The following LMX1A variants were observed in gnomAD, a reference collection of about 807,000 sequenced individuals.
LMX1A encodes LIM homeobox transcription factor 1 alpha.
A neutral mutation model predicts 49.1 loss-of-function variants in LMX1A; 15 were observed. That is an observed-to-expected ratio of 0.31 (90% CI 0.20 to 0.47). The LOEUF is 0.47. Among genes scored for constraint, LMX1A ranks in the 20% least tolerant of loss-of-function variants. The pLI, the probability that LMX1A is intolerant of heterozygous loss-of-function variation, is 1.00. For synonymous variants in LMX1A, 167 were observed against 185.7 expected, an observed-to-expected ratio of 0.90 and a Z score of 0.82; for missense variants, 372 against 475.8, an observed-to-expected ratio of 0.78 and a Z score of 2.03.
intron 3 of LMX1A, among the ~76,000 whole-genome samples, chr1:165,293,542 A>C (rs1654536950): frequency 6.6e-6 from 1 of 152,220 alleles, no homozygotes; most frequent in African/African-American, 2.4e-5. Flanking sequence ...GAGACCTGAG[A>C]ACATTACACC....
chr1:165,332,434 G>C (rs1156248939), intron 3 of LMX1A, among the ~76,000 whole-genome samples: 1 of 151,968 alleles, frequency 6.6e-6, no homozygotes, highest in Non-Finnish European at 1.5e-5. Context: ...TAGGAATAAG[G>C]CAATCTTTCC....
intron 3 of LMX1A, among the ~76,000 whole-genome samples, chr1:165,320,672 T>C (rs1655358969): frequency 6.6e-6 from 1 of 152,188 alleles, no homozygotes; most frequent in Admixed American, 6.5e-5. Context: ...TGTGAAGTAT[T>C]AATATTTGCC....
chr1:165,279,871 T>A lies in LMX1A; in HGVS notation c.264-30231A>T, dbSNP rs909922630. ...GAGTCGTTTACATGACCCTTTTCCA[T>A]CTCGTGGTCCCCCTCTCCCTGGGGC... On this transcript the variant is annotated intron_variant, in intron 3 of 8. Coordinates refer to ENST00000342310, the MANE Select transcript of LMX1A (RefSeq NM_177398.4). Among the ~76,000 whole-genome samples the A allele has an allele frequency of 4.1e-5, 6 of 147,972 alleles. No individual in the cohort carries two copies. The East Asian group carries it at 8.8e-4, about 22-fold the overall frequency.
At chr1:165,316,620 C>A (rs1424672829) in intron 3 of LMX1A, among the ~76,000 whole-genome samples, 1 of 152,148 alleles carries the variant, frequency 6.6e-6, no homozygotes, top group Admixed American at 6.5e-5. Flanking sequence ...AGTGCTTTGT[C>A]GGGGAGGTGG....
At chr1:165,340,229 AGTACATGG>A in intron 3 of LMX1A, among the ~76,000 whole-genome samples, 1 of 152,056 alleles carries the variant, frequency 6.6e-6, no homozygotes, top group East Asian at 1.9e-4. Context: ...CAGCCTCCCG[AGTACATGG>A]GACCACAGAC....
intron 3 of LMX1A, among the ~76,000 whole-genome samples, chr1:165,261,223 A>G (rs1653429674): frequency 6.6e-6 from 1 of 152,128 alleles, no homozygotes; most frequent in African/African-American, 2.4e-5. Flanking sequence ...TGGAAGTGAC[A>G]CCGTTCTTGT....
intron 3 of LMX1A, among the ~76,000 whole-genome samples, chr1:165,270,208 G>C (rs2101694689): frequency 6.6e-6 from 1 of 152,264 alleles, no homozygotes; most frequent in Admixed American, 6.5e-5. Flanking sequence ...CTTATAGACA[G>C]TCTTATCCTG....
intron 3 of LMX1A, among the ~76,000 whole-genome samples, 162 bp from the exon 4 acceptor site, chr1:165,249,802 A>G (rs1187825774): frequency 6.6e-6 from 1 of 152,226 alleles, no homozygotes; most frequent in Non-Finnish European, 1.5e-5. Flanking sequence ...AAGGAGATTG[A>G]ATTGAAGCAT....
rs776806442 is a variant in LMX1A at position 165,213,829 on chromosome 1, G to A, written c.497-16C>T. Reference sequence around the variant, plus strand: ...TCACTTTTACCTGAAAGAAGCAAAAGACAATGTTGTGAGTCCCTGAAAGCC... The same window carrying A: ...TCACTTTTACCTGAAAGAAGCAAAAAACAATGTTGTGAGTCCCTGAAAGCC... On this transcript the variant is annotated splice_polypyrimidine_tract_variant and intron_variant, in intron 4 of 8. Coordinates refer to ENST00000342310, the MANE Select transcript of LMX1A (RefSeq NM_177398.4). The A allele has an allele frequency of 6.2e-7, 1 of 1,613,056 alleles. No individual in the cohort carries two copies. Among genetic ancestry groups the A allele is most frequent in the Non-Finnish European group, 8.5e-7 (1 of 1,179,566 alleles).
intron 4 of LMX1A, among the ~76,000 whole-genome samples, chr1:165,236,212 C>T (rs970913390): frequency 3.9e-5 from 6 of 152,208 alleles, no homozygotes; most frequent in African/African-American, 1.4e-4. Context: ...ACCCGCCGCC[C>T]TTTCGCTAAG....
At chr1:165,272,408 A>G (rs925289424) in intron 3 of LMX1A, among the ~76,000 whole-genome samples, 30 of 152,182 alleles carry the variant, frequency 2.0e-4, no homozygotes, top group African/African-American at 7.2e-4. Flanking sequence ...TCACTCATTG[A>G]AAGCAGGGCA....
At chr1:165,224,279 C>G (rs1166411692) in intron 4 of LMX1A, among the ~76,000 whole-genome samples, 1 of 152,172 alleles carries the variant, frequency 6.6e-6, no homozygotes, top group Non-Finnish European at 1.5e-5. Flanking sequence ...TCCTGTACAG[C>G]CTCTGGAACC....
chr1:165,306,951 C>A (rs1654935629), intron 3 of LMX1A, among the ~76,000 whole-genome samples: 2 of 152,234 alleles, frequency 1.3e-5, no homozygotes, highest in African/African-American at 4.8e-5. Context: ...AGGGGCTCAG[C>A]CTGAGCTGCT....
chr1:165,277,589 C>T (rs4657431), intron 3 of LMX1A, among the ~76,000 whole-genome samples: 81,035 of 152,018 alleles, frequency 0.53, 22,922 homozygotes, highest in South Asian at 0.82. Flanking sequence ...CACCTGACTG[C>T]CAGGAAAACC....
At chr1:165,230,676 T>C (rs1479584535) in intron 4 of LMX1A, among the ~76,000 whole-genome samples, 1 of 152,228 alleles carries the variant, frequency 6.6e-6, no homozygotes, top group Non-Finnish European at 1.5e-5. Flanking sequence ...ATAAAGAAAC[T>C]TGGAGAGCAT....
intron 3 of LMX1A, among the ~76,000 whole-genome samples, chr1:165,296,716 C>T (rs1398309618): frequency 6.6e-6 from 1 of 152,260 alleles, no homozygotes; most frequent in Non-Finnish European, 1.5e-5. Flanking sequence ...CTCACATCTG[C>T]TGTTTCTTGT....
intron 3 of LMX1A, among the ~76,000 whole-genome samples, chr1:165,307,305 T>A (rs960774284): frequency 8.5e-5 from 13 of 152,214 alleles, no homozygotes; most frequent in African/African-American, 3.1e-4. Flanking sequence ...GCTCTGTCCA[T>A]CAAATATTAC....
chr1:165,301,619 G>A (rs750892127), intron 3 of LMX1A, among the ~76,000 whole-genome samples: 1 of 152,152 alleles, frequency 6.6e-6, no homozygotes, highest in Non-Finnish European at 1.5e-5. Context: ...CATAAAAGGT[G>A]AGAATGCGCT....
At chr1:165,338,795 C>T (rs1655978346) in intron 3 of LMX1A, among the ~76,000 whole-genome samples, 1 of 152,206 alleles carries the variant, frequency 6.6e-6, no homozygotes, top group Non-Finnish European at 1.5e-5. Context: ...AAATACTTGG[C>T]TTCCTTGGTA....
Sources: gnomAD v4.1 joint callset for allele counts (sites outside exome capture counted in the v4.1 genomes callset) on GRCh38, gnomAD v4.1.1 for gene constraint, MANE v1.5 for transcripts, NCBI Gene and HGNC (gene_info 2026-07-23, HGNC 2026-07-21) for gene names.